The following FAM221B variants were observed in gnomAD, a reference collection of about 807,000 sequenced individuals.
FAM221B encodes the protein protein FAM221B.
In FAM221B, 35 loss-of-function variants were observed where a neutral mutation model predicts 39.8. The observed-to-expected ratio is 0.88, with a 90% CI of 0.67 to 1.17. FAM221B has a LOEUF of 1.17. Ranked by LOEUF, FAM221B falls within the 50% of genes most tolerant of loss-of-function variation. The pLI is 0.00. For missense variants in FAM221B, 479 were observed against 503.1 expected (o/e 0.95, Z 0.46); for synonymous variants, 158 against 178.1 (o/e 0.89, Z 0.90).
intron 4 of FAM221B, 78 bp downstream of exon 4, chr9:35,819,812 C>G: frequency 1.6e-6 from 2 of 1,218,676 alleles, no homozygotes; most frequent in South Asian, 2.5e-5. Flanking sequence ...GCCACATGCT[C>G]TCTCTCATAC....
In FAM221B at chr9:35,826,177, G is replaced by A. The variant is rs754928991; in HGVS notation, c.1-16C>T. ...GTGCTTCCATCTAGTGGTAGAACAGGGTACAGGCTTCATTAGGTTGGAAAT... is the reference window on the plus strand; with the variant it reads ...GTGCTTCCATCTAGTGGTAGAACAGAGTACAGGCTTCATTAGGTTGGAAAT... On this transcript the variant is annotated splice_polypyrimidine_tract_variant and intron_variant, in intron 1 of 6. Coordinates refer to ENST00000423537, the MANE Select transcript of FAM221B (RefSeq NM_001012446.4). 2 of 1,544,042 alleles carry A rather than the reference G, an allele frequency of 1.3e-6. No individual in the cohort carries two copies. Among genetic ancestry groups the A allele is most frequent in the African/African-American group, 1.4e-5 (1 of 72,322 alleles).
Position 35,826,010 on chromosome 9 carries a change from G to T in FAM221B, c.152C>A (p.Pro51His). The change falls in exon 2 of 7, where the codon CCC becomes CAC. Residue 51 changes from proline to histidine, a missense_variant. Coordinates refer to ENST00000423537, the MANE Select transcript of FAM221B (RefSeq NM_001012446.4). ...CACCAAAGGGGATTCAGAGGTATGGGGCTCTAACGGGGTCTCAGAGGTGGA... is the reference window on the plus strand; with the variant it reads ...CACCAAAGGGGATTCAGAGGTATGGTGCTCTAACGGGGTCTCAGAGGTGGA... The part of the protein sequence containing the change: ...KPSTSETPLE[P>H]HTSESPLVPS... 6.2e-7 allele frequency: 1 copy of T among 1,614,096 alleles called. No homozygotes were observed. Among genetic ancestry groups the T allele is most frequent in the Non-Finnish European group, 8.5e-7 (1 of 1,180,022 alleles).
At chr9:35,821,992 A>T (rs1829161819) in intron 3 of FAM221B, among the ~76,000 whole-genome samples, 2 of 152,212 alleles carry the variant, frequency 1.3e-5, no homozygotes, top group Admixed American at 1.3e-4. Flanking sequence ...ACAATCACAT[A>T]ATCACATTTG....
At position 35,828,722 on chromosome 9, in the gene FAM221B, G is replaced by A; in HGVS notation, c.-260C>T. ...CAAGGGGTCTAGGGCCAATGAGGGA[G>A]GGTCTTGACTGAAGCCTCCGGAACC... is the stretch of plus-strand genomic sequence containing the variant. On this transcript the variant is annotated 5_prime_UTR_variant, in exon 1 of 7. Transcript: ENST00000423537. This position sits in a 1 kb window ranked among gnomAD's most constrained non-coding sequence, Gnocchi z 4.5. The A allele has an allele frequency of 1.0e-6, 1 of 984,932 alleles. No homozygotes were observed. The highest frequency in any genetic ancestry group is 1.2e-6 in the Non-Finnish European group (1 of 829,514). The allele number at this position is 984,932 out of a possible 1,614,324, so 61.0% of individuals were successfully genotyped here. A position where few individuals can be genotyped will look rare whatever the true frequency, so the allele number is the denominator to read the frequency against.
intron 3 of FAM221B, among the ~76,000 whole-genome samples, chr9:35,821,859 T>A (rs532948733): frequency 5.3e-5 from 8 of 152,310 alleles, no homozygotes; most frequent in African/African-American, 1.7e-4. Flanking sequence ...TGGATTCCAG[T>A]GGGACCCTCT....
Position 35,818,952 on chromosome 9 carries a change from C to T in FAM221B, c.1109G>A (p.Trp370Ter). The T allele has an allele frequency of 6.4e-7, 1 of 1,551,776 alleles. No individual in the cohort carries two copies. Among genetic ancestry groups the T allele is most frequent in the Non-Finnish European group, 8.7e-7 (1 of 1,147,026 alleles). Reference sequence around the variant, plus strand: ...GTCAAAGAAAGTCTCGTGTTCCTCCCAGCGCCGGTCACAGGCCGCACAGAG... The same window carrying T: ...GTCAAAGAAAGTCTCGTGTTCCTCCTAGCGCCGGTCACAGGCCGCACAGAG... ...NFLCAACDRR[W>*]EEHETFFDTQ... The change falls in exon 6 of 7, where the codon TGG becomes TAG. Residue 370 changes from tryptophan (W) to a stop codon, truncating the protein, a stop_gained. Transcript: ENST00000423537. LOFTEE classifies it high-confidence loss of function.
chr9:35,819,650 G>A (rs1829100107), intron 4 of FAM221B, among the ~76,000 whole-genome samples: 2 of 152,102 alleles, frequency 1.3e-5, no homozygotes, highest in Admixed American at 6.5e-5. Context: ...GTGCCACCAT[G>A]CCTGGCTAAA....
chr9:35,821,893 C>T (rs1017672561), intron 3 of FAM221B, among the ~76,000 whole-genome samples: 1 of 152,224 alleles, frequency 6.6e-6, no homozygotes, highest in Non-Finnish European at 1.5e-5. Flanking sequence ...ATTCCAAACT[C>T]CCTTCCTGTT....
intron 4 of FAM221B, 103 bp from the exon 5 acceptor site, chr9:35,819,497 CTT>C (rs879514713): frequency 4.7e-3 from 3,875 of 832,796 alleles, no homozygotes; most frequent in South Asian, 6.7e-3. Flanking sequence ...CGCAGACATG[CTT>C]TTTTTTTTTT....
intron 3 of FAM221B, among the ~76,000 whole-genome samples, chr9:35,821,077 C>G (rs892844197): frequency 6.6e-6 from 1 of 152,246 alleles, no homozygotes; most frequent in Non-Finnish European, 1.5e-5. Context: ...CTTCCCCTGT[C>G]TGTCTGGGCC....
intron 3 of FAM221B, among the ~76,000 whole-genome samples, chr9:35,820,807 C>A (rs1829133383): frequency 6.6e-6 from 1 of 152,196 alleles, no homozygotes; most frequent in South Asian, 2.1e-4. Flanking sequence ...CCCTCGAGAG[C>A]TGGTGTTCAG....
At position 35,826,071 on chromosome 9, in the gene FAM221B, G is replaced by A. The variant is rs1163573799; in HGVS notation, c.91C>T (p.Gln31Ter). The part of the protein sequence containing the change: ...PSKDPSAEDL[Q>*]ENHISESFLK... Reference sequence around the variant, plus strand: ...AAGCTTTCAGAGATATGGTTCTCCTGTAAGTCCTCAGCAGAGGGGTCCTTT... The same window carrying A: ...AAGCTTTCAGAGATATGGTTCTCCTATAAGTCCTCAGCAGAGGGGTCCTTT... Residue 31 changes from glutamine (Q) to a stop codon, truncating the protein, a stop_gained, in exon 2 of 7, where the codon CAG (glutamine) becomes TAG (stop). Coordinates refer to ENST00000423537, the MANE Select transcript of FAM221B (RefSeq NM_001012446.4). LOFTEE classifies it high-confidence loss of function. 3 of 1,613,998 alleles carry A rather than the reference G, an allele frequency of 1.9e-6. No individual in the cohort carries two copies. The highest frequency in any genetic ancestry group is 2.5e-6 in the Non-Finnish European group (3 of 1,180,016).
Position 35,828,701 on chromosome 9 carries a change from G to T in FAM221B, c.-239C>A. The T allele has an allele frequency of 1.0e-6, 1 of 985,474 alleles. No individual in the cohort carries two copies. The highest frequency in any genetic ancestry group is 1.2e-6 in the Non-Finnish European group (1 of 830,006). 61.0% of individuals were successfully genotyped at this position (985,474 alleles called of 1,614,324 possible). On this transcript the variant is annotated 5_prime_UTR_variant, in exon 1 of 7. Transcript: ENST00000423537. This position sits in a 1 kb window ranked among gnomAD's most constrained non-coding sequence, Gnocchi z 4.5. Reference sequence around the variant, plus strand: ...ACCTGGGGAAGTGGGTAGGGACAAGGGGTCTAGGGCCAATGAGGGAGGGTC... The same window carrying T: ...ACCTGGGGAAGTGGGTAGGGACAAGTGGTCTAGGGCCAATGAGGGAGGGTC...
intron 3 of FAM221B, among the ~76,000 whole-genome samples, chr9:35,824,720 T>C (rs3860996): frequency 0.21 from 31,076 of 149,416 alleles, 3,463 homozygotes; most frequent in East Asian, 0.37. Flanking sequence ...CTCGCTCTGT[T>C]GCCCAGGCTG....
rs1344982593 is a variant in FAM221B at position 35,825,687 on chromosome 9, C to G, written c.475G>C (p.Gly159Arg). Residue 159 changes from glycine (G) to arginine (R), a missense_variant, in exon 2 of 7, where the codon GGC becomes CGC. By Grantham distance (125) the Gly-to-Arg change is moderately radical. Transcript: ENST00000423537. This position sits in a 1 kb window ranked among gnomAD's most constrained non-coding sequence, Gnocchi z 4.2. ...TCCACTTGGACCTGGGATGAAGGGC[C>G]TGAAAGACAGTGTTCTGGAAGGCTC... Reference protein sequence around the residue: ...SESLPEHCLSGPSSQVQVDTT... With the variant: ...SESLPEHCLSRPSSQVQVDTT... 1 of 1,614,158 alleles carries G rather than the reference C, an allele frequency of 6.2e-7. No individual in the cohort carries two copies. The highest frequency in any genetic ancestry group is 1.3e-5 in the African/African-American group (1 of 75,020).
At chr9:35,822,971 G>A (rs1405317149) in intron 3 of FAM221B, among the ~76,000 whole-genome samples, 1 of 152,144 alleles carries the variant, frequency 6.6e-6, no homozygotes, top group Non-Finnish European at 1.5e-5. Context: ...TTTTAACTTG[G>A]CACAGAAATT....
Position 35,825,806 on chromosome 9 carries a change from G to T in FAM221B, c.356C>A (p.Ser119Tyr). Residue 119 changes from serine to tyrosine, a missense_variant, in exon 2 of 7, where the codon TCT becomes TAT. By Grantham distance (144) the Ser-to-Tyr change is moderately radical (BLOSUM62 -2). Coordinates refer to ENST00000423537, the MANE Select transcript of FAM221B (RefSeq NM_001012446.4). This position sits in a 1 kb window ranked among gnomAD's most constrained non-coding sequence, Gnocchi z 4.2. The stretch of plus-strand genomic sequence containing the variant: ...GTCTTCCTTCAGAGTATCAGAAGAA[G>T]ACAGACAGACATAGTCTCGTGATTG... ...PPQSRDYVCL[S>Y]SSDTLKEDLS... 1 of 1,614,150 alleles carries T rather than the reference G, an allele frequency of 6.2e-7. No homozygotes were observed. The highest frequency in any genetic ancestry group is 1.1e-5 in the South Asian group (1 of 91,088).
Position 35,826,014 on chromosome 9 carries a change from C to G in FAM221B, c.148G>C (p.Glu50Gln), listed in dbSNP as rs762170644. ...LKPSTSETPL[E>Q]PHTSESPLVP... ...AAAGGGGATTCAGAGGTATGGGGCTCTAACGGGGTCTCAGAGGTGGAAGGC... is the reference window on the plus strand; with the variant it reads ...AAAGGGGATTCAGAGGTATGGGGCTGTAACGGGGTCTCAGAGGTGGAAGGC... The change falls in exon 2 of 7, where the codon GAG becomes CAG. Residue 50 changes from glutamate to glutamine, a missense_variant. Physicochemically the swap from Glu to Gln is conservative, Grantham distance 29. Coordinates refer to ENST00000423537, the MANE Select transcript of FAM221B (RefSeq NM_001012446.4). 6.3e-5 allele frequency: 102 copies of G among 1,614,038 alleles called. 2 individuals carry two copies. The South Asian group carries it at 1.0e-3, about 16-fold the overall frequency.
At chr9:35,819,112 C>T (rs1829080344) in intron 5 of FAM221B, 85 bp downstream of exon 5, 1 of 1,534,094 alleles carries the variant, frequency 6.5e-7, no homozygotes, top group Non-Finnish European at 8.8e-7. Flanking sequence ...CCAAGGCTCT[C>T]ATACCTGCTC....
Sources: gnomAD v4.1 joint callset for allele counts (sites outside exome capture counted in the v4.1 genomes callset) on GRCh38, gnomAD v4.1.1 for gene constraint, Gnocchi (gnomAD v3.1) non-coding constraint, MANE v1.5 for transcripts, NCBI Gene and HGNC (gene_info 2026-07-23, HGNC 2026-07-21) for gene names.